The following PDLIM1 variants were observed in gnomAD, a reference collection of about 807,000 sequenced individuals.
The protein encoded by PDLIM1 is PDZ and LIM domain protein 1.
Under a neutral mutation model 35.2 loss-of-function variants are expected in PDLIM1, and 25 were observed. That is an observed-to-expected ratio of 0.71 (90% confidence interval 0.52 to 0.99). The LOEUF is 0.99. Ranked by LOEUF, PDLIM1 falls within the 50% of genes least tolerant of loss-of-function variation. The pLI, the probability that PDLIM1 is intolerant of heterozygous loss-of-function variation, is 0.00. For synonymous variants in PDLIM1, 152 were observed against 154.0 expected (o/e 0.99, Z 0.10); for missense variants, 363 against 415.3 (o/e 0.87, Z 1.09).
At chr10:95,275,989 T>G (rs1334380735) in intron 1 of PDLIM1, among the ~76,000 whole-genome samples, 1 of 152,162 alleles carries the variant, frequency 6.6e-6, no homozygotes, top group African/African-American at 2.4e-5. Flanking sequence ...ACATACAGAT[T>G]AAGTTCACAT....
intron 1 of PDLIM1, among the ~76,000 whole-genome samples, chr10:95,277,309 C>T (rs1464593858): frequency 6.6e-6 from 1 of 151,918 alleles, no homozygotes; most frequent in Non-Finnish European, 1.5e-5. Context: ...AACTAGATCA[C>T]ACAACTCTTG....
In PDLIM1 at chr10:95,271,622, A is replaced by G. The variant is rs2035465688; in HGVS notation, c.248+11T>C. 1.3e-6 allele frequency: 2 copies of G among 1,585,094 alleles called. No homozygotes were observed. The highest frequency in any genetic ancestry group is 1.7e-6 in the Non-Finnish European group (2 of 1,170,682). ...AATCAGAAATGAACAAAACGTTTCC[A>G]TAGGCTTCACCTGGCTACAGTGAGA... is the stretch of plus-strand genomic sequence containing the variant. On this transcript the variant is annotated intron_variant, in intron 2 of 6. Transcript: ENST00000329399.
chr10:95,256,799 C>T (rs2035314688), intron 4 of PDLIM1, among the ~76,000 whole-genome samples: 1 of 150,922 alleles, frequency 6.6e-6, no homozygotes, highest in East Asian at 2.0e-4. Context: ...CAGTGAAACT[C>T]CATCTCTACC....
intron 4 of PDLIM1, among the ~76,000 whole-genome samples, chr10:95,250,968 G>T (rs1183386828): frequency 1.3e-5 from 2 of 152,222 alleles, no homozygotes; most frequent in African/African-American, 2.4e-5. Context: ...GCCAGGCGTA[G>T]GAGGATCCTA....
chr10:95,264,191 T>C (rs2296963), intron 3 of PDLIM1, 128 bp from the exon 4 acceptor site: 447,599 of 701,480 alleles, frequency 0.64, 149,577 homozygotes, highest in Non-Finnish European at 0.7. Flanking sequence ...ACCCAAACTT[T>C]AGCTGAGGGA....
chr10:95,240,435 G>GCT (rs2035168449), intron 5 of PDLIM1, among the ~76,000 whole-genome samples: 1 of 152,208 alleles, frequency 6.6e-6, no homozygotes, highest in Non-Finnish European at 1.5e-5. Context: ...AGTGGGAGCT[G>GCT]AATGATGAGA....
Position 95,290,551 on chromosome 10 carries a change from C to T in PDLIM1, c.96+269G>A, listed in dbSNP as rs1009463605. Reference sequence around the variant, plus strand: ...ACTAACACCCGCCCCGCCGCGCTTCCGGGGCCAAAGAACGAAAACTGCCTT... The same window carrying T: ...ACTAACACCCGCCCCGCCGCGCTTCTGGGGCCAAAGAACGAAAACTGCCTT... On this transcript the variant is annotated intron_variant, in intron 1 of 6. Coordinates refer to ENST00000329399, the MANE Select transcript of PDLIM1 (RefSeq NM_020992.4). The surrounding 1 kb of genome is among the most constrained non-coding windows in gnomAD (Gnocchi z 4.7). Among the ~76,000 whole-genome samples the T allele has an allele frequency of 4.6e-5, 7 of 152,186 alleles. No homozygotes were observed. The highest frequency in any genetic ancestry group is 7.4e-5 in the Non-Finnish European group (5 of 68,020).
chr10:95,272,601 T>C (rs2035475412), intron 1 of PDLIM1, among the ~76,000 whole-genome samples: 1 of 151,742 alleles, frequency 6.6e-6, no homozygotes, highest in Non-Finnish European at 1.5e-5. Flanking sequence ...AAGGTGGAGG[T>C]TGCAGTGAGC....
chr10:95,282,455 A>G (rs1158180469), intron 1 of PDLIM1, among the ~76,000 whole-genome samples: 1 of 152,256 alleles, frequency 6.6e-6, no homozygotes, highest in Non-Finnish European at 1.5e-5. Context: ...AAAATAGGGT[A>G]GATGCTTGTA....
intron 3 of PDLIM1, among the ~76,000 whole-genome samples, chr10:95,266,878 G>A (rs969872434): frequency 6.6e-6 from 1 of 152,188 alleles, no homozygotes; most frequent in Non-Finnish European, 1.5e-5. Flanking sequence ...GTAATTGTTT[G>A]GGCTTTGTAT....
intron 3 of PDLIM1, among the ~76,000 whole-genome samples, chr10:95,264,370 T>C (rs1247829889): frequency 6.6e-6 from 1 of 152,216 alleles, no homozygotes; most frequent in Non-Finnish European, 1.5e-5. Context: ...CTTGATGCTT[T>C]GGGCTGTAAG....
At chr10:95,287,666 T>A (rs1307349183) in intron 1 of PDLIM1, among the ~76,000 whole-genome samples, 1 of 151,912 alleles carries the variant, frequency 6.6e-6, no homozygotes, top group Non-Finnish European at 1.5e-5. Flanking sequence ...CATGGAAAAT[T>A]TTTTTAATTA....
intron 4 of PDLIM1, among the ~76,000 whole-genome samples, chr10:95,253,738 T>G (rs1199190936): frequency 6.6e-6 from 1 of 152,112 alleles, no homozygotes; most frequent in Non-Finnish European, 1.5e-5. Context: ...TAAAAAATAC[T>G]TGCCCTCTCA....
chr10:95,238,535 G>T (rs1434523112), intron 6 of PDLIM1, 33 bp downstream of exon 6: 1 of 1,292,156 alleles, frequency 7.7e-7, no homozygotes, highest in South Asian at 1.2e-5. Flanking sequence ...CAACCTGCAG[G>T]GTCTGCAAAG....
At chr10:95,278,507 A>G (rs992973903) in intron 1 of PDLIM1, among the ~76,000 whole-genome samples, 4 of 152,138 alleles carry the variant, frequency 2.6e-5, no homozygotes, top group East Asian at 1.9e-4. Context: ...CCAACAAGGT[A>G]GTAGGGGCCT....
At chr10:95,263,004 G>A (rs1429883283) in intron 4 of PDLIM1, among the ~76,000 whole-genome samples, 1 of 152,106 alleles carries the variant, frequency 6.6e-6, no homozygotes, top group Non-Finnish European at 1.5e-5. Context: ...ACTTAGCCAA[G>A]TGTGGTGGCA....
intron 1 of PDLIM1, among the ~76,000 whole-genome samples, chr10:95,277,902 G>A (rs2133438422): frequency 6.6e-6 from 1 of 152,306 alleles, no homozygotes; most frequent in East Asian, 1.9e-4. Flanking sequence ...TCTAACTGGT[G>A]TAAATAAAAT....
chr10:95,279,738 G>T (rs2133439709), intron 1 of PDLIM1, among the ~76,000 whole-genome samples: 1 of 152,294 alleles, frequency 6.6e-6, no homozygotes, highest in African/African-American at 2.4e-5. Context: ...TACTAAAGCA[G>T]AAATGGATGC....
chr10:95,238,211 T>C lies in PDLIM1; in HGVS notation c.804-100A>G. On this transcript the variant is annotated intron_variant, in intron 6 of 6. Coordinates refer to ENST00000329399, the MANE Select transcript of PDLIM1 (RefSeq NM_020992.4). ...TCCTTCCTGAGCAGGGGCCTGGGGC[T>C]TCTCCCCAGGAACCCATCACAGGGG... is the stretch of plus-strand genomic sequence containing the variant. 2.8e-6 allele frequency: 3 copies of C among 1,057,498 alleles called. No individual in the cohort carries two copies. In the South Asian group the frequency reaches 4.7e-5, roughly 17 times the overall value. 65.5% of individuals were successfully genotyped at this position (1,057,498 alleles called of 1,614,324 possible).
Sources: gnomAD v4.1 joint callset for allele counts (sites outside exome capture counted in the v4.1 genomes callset) on GRCh38, gnomAD v4.1.1 for gene constraint, Gnocchi (gnomAD v3.1) non-coding constraint, MANE v1.5 for transcripts, NCBI Gene and HGNC (gene_info 2026-07-23, HGNC 2026-07-21) for gene names.